The following NWD2 variants were observed in gnomAD, a reference collection of about 807,000 sequenced individuals.
The protein encoded by NWD2 is NACHT and WD repeat domain-containing protein 2.
A neutral mutation model predicts 132.7 loss-of-function variants in NWD2; 37 were observed. That is an observed-to-expected ratio of 0.28 (90% CI 0.21 to 0.37). The LOEUF is 0.37. Among genes scored for constraint, NWD2 ranks in the 10% least tolerant of loss-of-function variants. The probability of loss-of-function intolerance (pLI) is 1.00; values close to 1 mark genes in which losing one functional copy is unlikely to be tolerated. For synonymous variants in NWD2, 705 were observed against 803.0 expected (o/e 0.88, Z 2.06); for missense variants, 1,592 against 2,122.4 (o/e 0.75, Z 4.91).
chr4:37,300,331 C>T (rs1053453701), intron 1 of NWD2, among the ~76,000 whole-genome samples: 3 of 152,136 alleles, frequency 2.0e-5, no homozygotes, highest in African/African-American at 4.8e-5. Flanking sequence ...TAAATTTTAA[C>T]GTGGCAAGCC....
rs149335246 is a variant in NWD2 at position 37,364,749 on chromosome 4, G to A, written c.357+8267G>A. ...ACTGCCATCAGTGGCACAGCTAGCA[G>A]GGAACAGAGAATGGGTCATGCTCAT... On this transcript the variant is annotated intron_variant, in intron 3 of 6. Coordinates refer to ENST00000309447, the MANE Select transcript of NWD2 (RefSeq NM_001144990.2). Among the ~76,000 whole-genome samples, 41 of 151,122 alleles carry A rather than the reference G, an allele frequency of 2.7e-4. No homozygotes were observed. The East Asian group carries it at 7.6e-3, about 28-fold the overall frequency.
At chr4:37,422,269 G>A (rs891286937) in intron 3 of NWD2, among the ~76,000 whole-genome samples, 1 of 152,172 alleles carries the variant, frequency 6.6e-6, no homozygotes, top group Admixed American at 6.5e-5. Flanking sequence ...TTTACATGTG[G>A]GTTGCCGCCT....
rs145415038 is a variant in NWD2 at position 37,328,644 on chromosome 4, T to C, written c.240+2620T>C. On this transcript the variant is annotated intron_variant, in intron 2 of 6. Transcript: ENST00000309447. ...CACGTTTTCTTTATCCAGTCTGTCATTGATGGGCATTTGGGTTGGTTCCAA... is the reference window on the plus strand; with the variant it reads ...CACGTTTTCTTTATCCAGTCTGTCACTGATGGGCATTTGGGTTGGTTCCAA... 5.9e-3 allele frequency among the ~76,000 whole-genome samples: 891 copies of C among 152,284 alleles called. 4 individuals are homozygous for C. The highest frequency in any genetic ancestry group is 9.8e-3 in the Non-Finnish European group (664 of 68,016).
chr4:37,320,241 C>G (rs997766235), intron 1 of NWD2, among the ~76,000 whole-genome samples: 2 of 152,102 alleles, frequency 1.3e-5, no homozygotes, highest in Non-Finnish European at 2.9e-5. Flanking sequence ...GGGCAAAGTT[C>G]AGGAGCAAGT....
intron 6 of NWD2, among the ~76,000 whole-genome samples, chr4:37,440,540 C>T (rs943629496): frequency 2.6e-5 from 4 of 152,140 alleles, no homozygotes; most frequent in Non-Finnish European, 4.4e-5. Context: ...CCACTAAAGT[C>T]CCTTCCTCTT....
chr4:37,362,815 C>T (rs537917007), intron 3 of NWD2, among the ~76,000 whole-genome samples: 13 of 152,192 alleles, frequency 8.5e-5, no homozygotes, highest in African/African-American at 3.1e-4. Context: ...ACAAGTGGTA[C>T]CTAATAAAAC....
At chr4:37,329,879 A>C (rs1719256331) in intron 2 of NWD2, among the ~76,000 whole-genome samples, 1 of 152,082 alleles carries the variant, frequency 6.6e-6, no homozygotes, top group Non-Finnish European at 1.5e-5. Flanking sequence ...GTAGATAATG[A>C]AACGTCATCT....
At chr4:37,271,157 T>A (rs1281689614) in intron 1 of NWD2, among the ~76,000 whole-genome samples, 2 of 151,774 alleles carry the variant, frequency 1.3e-5, no homozygotes, top group African/African-American at 4.8e-5. Flanking sequence ...TTATAGTAAA[T>A]CTTGAGATTA....
intron 3 of NWD2, among the ~76,000 whole-genome samples, chr4:37,385,336 A>T (rs13125584): frequency 0.095 from 14,469 of 152,214 alleles, 733 homozygotes; most frequent in Middle Eastern, 0.21. Flanking sequence ...AACTTAAAAA[A>T]TCATCTTTTC....
In NWD2 at chr4:37,420,177, C is replaced by T. The variant is rs111822431; in HGVS notation, c.358-10395C>T. Among the ~76,000 whole-genome samples the T allele has an allele frequency of 8.7e-3, 1,324 of 152,282 alleles. 7 individuals carry two copies. The highest frequency in any genetic ancestry group is 0.014 in the Non-Finnish European group (978 of 68,008). ...GCATATATGAGTTACCTGTTCATGT[C>T]CTTTGTCCATTGTTCCATTGCTCTA... On this transcript the variant is annotated intron_variant, in intron 3 of 6. Coordinates refer to ENST00000309447, the MANE Select transcript of NWD2 (RefSeq NM_001144990.2).
intron 2 of NWD2, among the ~76,000 whole-genome samples, chr4:37,329,418 A>C (rs1476973626): frequency 6.6e-6 from 1 of 152,128 alleles, no homozygotes; most frequent in East Asian, 1.9e-4. Flanking sequence ...TCAGAGAAAG[A>C]CTCGGTGATA....
intron 3 of NWD2, among the ~76,000 whole-genome samples, chr4:37,386,531 C>T (rs1720567218): frequency 1.3e-5 from 2 of 152,064 alleles, no homozygotes; most frequent in Admixed American, 1.3e-4. Context: ...AACTGCACAC[C>T]CTGAACATGC....
intron 3 of NWD2, among the ~76,000 whole-genome samples, chr4:37,365,867 G>A (rs989967623): frequency 3.3e-5 from 5 of 152,126 alleles, no homozygotes; most frequent in African/African-American, 7.2e-5. Context: ...AAAAGTGGAC[G>A]GGAGAGTACT....
At chr4:37,394,816 T>TGTTTTGTTTTG (rs1560411811) in intron 3 of NWD2, among the ~76,000 whole-genome samples, 10 of 127,048 alleles carry the variant, frequency 7.9e-5, no homozygotes, top group East Asian at 2.3e-4. Flanking sequence ...TTTTTTTTTT[T>TGTTTTGTTTTG]TTTTTTTTTT....
At chr4:37,292,614 T>C (rs1718388273) in intron 1 of NWD2, among the ~76,000 whole-genome samples, 1 of 151,960 alleles carries the variant, frequency 6.6e-6, no homozygotes, top group Non-Finnish European at 1.5e-5. Flanking sequence ...TTCAAACAGG[T>C]ATCAAGATAT....
At chr4:37,341,414 G>A (rs1315316175) in intron 2 of NWD2, among the ~76,000 whole-genome samples, 1 of 152,214 alleles carries the variant, frequency 6.6e-6, no homozygotes, top group Non-Finnish European at 1.5e-5. Flanking sequence ...GCATAGAGAT[G>A]TAAATATATG....
rs112086576 is a variant in NWD2 at position 37,363,968 on chromosome 4, C to CAAA, written c.357+7498_357+7500dup. Among the ~76,000 whole-genome samples the CAAA allele has an allele frequency of 9.7e-3, 1,386 of 142,226 alleles. 14 individuals are homozygous for CAAA. The highest frequency in any genetic ancestry group is 0.034 in the African/African-American group (1,302 of 38,594). The allele number at this position is 142,226 out of a possible 152,430, so 93.3% of individuals were successfully genotyped here. ...GAAACCCCCTTTTCTACTAAAAATA[C>CAAA]AAAAAAAAAAAAAATTAGCTGGGAA... is the stretch of plus-strand genomic sequence containing the variant. On this transcript the variant is annotated intron_variant, in intron 3 of 6. Coordinates refer to ENST00000309447, the MANE Select transcript of NWD2 (RefSeq NM_001144990.2).
intron 1 of NWD2, among the ~76,000 whole-genome samples, chr4:37,272,583 T>C (rs1310602869): frequency 6.6e-6 from 1 of 151,840 alleles, no homozygotes; most frequent in Non-Finnish European, 1.5e-5. Context: ...ATTCGTTTTT[T>C]ATTTTATTGG....
In NWD2 at chr4:37,244,814, G is replaced by A; in HGVS notation, c.-254G>A. ...CAGCTGGCTGCTGCTCGGAGCCCTA[G>A]CAGCGGGCGAAGGCGGAGGCCCAGA... On this transcript the variant is annotated 5_prime_UTR_variant, in exon 1 of 7. Coordinates refer to ENST00000309447, the MANE Select transcript of NWD2 (RefSeq NM_001144990.2). This position sits in a 1 kb window ranked among gnomAD's most constrained non-coding sequence, Gnocchi z 5.5. 1 of 478,906 alleles carries A rather than the reference G, an allele frequency of 2.1e-6. No homozygotes were observed. The highest frequency in any genetic ancestry group is 4.0e-5 in the East Asian group (1 of 24,890). The allele number at this position is 478,906 out of a possible 1,614,324, so 29.7% of individuals were successfully genotyped here.
Sources: gnomAD v4.1 joint callset for allele counts (sites outside exome capture counted in the v4.1 genomes callset) on GRCh38, gnomAD v4.1.1 for gene constraint, Gnocchi (gnomAD v3.1) non-coding constraint, MANE v1.5 for transcripts, NCBI Gene and HGNC (gene_info 2026-07-23, HGNC 2026-07-21) for gene names.